BABAM2: variants seen among roughly 807,000 people sequenced by gnomAD.
The protein encoded by BABAM2 is BRISC and BRCA1-A complex member 2.
BABAM2 carries 31 observed loss-of-function variants against 54.7 expected under a neutral mutation model. The ratio of observed to expected loss-of-function variants is 0.57; its 90% CI spans 0.43 to 0.77. The LOEUF is 0.77. Among genes scored for constraint, BABAM2 ranks in the 30% least tolerant of loss-of-function variants. The pLI, the probability that BABAM2 is intolerant of heterozygous loss-of-function variation, is 0.00. For synonymous variants in BABAM2, 167 were observed against 162.9 expected (o/e 1.03, Z -0.19); for missense variants, 364 against 455.8 (o/e 0.80, Z 1.83).
chr2:27,907,966 A>G (rs1348320934), intron 2 of BABAM2, among the ~76,000 whole-genome samples: 1 of 152,214 alleles, frequency 6.6e-6, no homozygotes, highest in Non-Finnish European at 1.5e-5. Context: ...ACTGTGAATA[A>G]TGCTATTAAT....
At chr2:28,026,861 TAG>T (rs56852933) in intron 5 of BABAM2, among the ~76,000 whole-genome samples, 9 of 74,492 alleles carry the variant, frequency 1.2e-4, no homozygotes, top group East Asian at 6.6e-4. Context: ...TTTATATATA[TAG>T]ATATATATAT....
At chr2:28,022,700 TAGA>T (rs1263494527) in intron 4 of BABAM2, among the ~76,000 whole-genome samples, 2 of 152,342 alleles carry the variant, frequency 1.3e-5, no homozygotes, top group East Asian at 3.9e-4. Flanking sequence ...CAAAAAGATG[TAGA>T]AGAAGAACTT....
At chr2:28,025,731 G>A (rs1675606491) in intron 5 of BABAM2, among the ~76,000 whole-genome samples, 1 of 152,186 alleles carries the variant, frequency 6.6e-6, no homozygotes, top group African/African-American at 2.4e-5. Flanking sequence ...TATGTGGCTT[G>A]CAGGCCACAT....
chr2:28,033,677 T>C (rs778864715), intron 5 of BABAM2, among the ~76,000 whole-genome samples: 25 of 152,164 alleles, frequency 1.6e-4, no homozygotes, highest in Non-Finnish European at 3.5e-4. Flanking sequence ...AGGACAGATA[T>C]TCAAACACAG....
At chr2:28,223,334 C>G (rs1573875954) in intron 7 of BABAM2, among the ~76,000 whole-genome samples, 1 of 152,216 alleles carries the variant, frequency 6.6e-6, no homozygotes, top group African/African-American at 2.4e-5. Flanking sequence ...GACAGTGCCC[C>G]CATCCAGTGT....
intron 6 of BABAM2, among the ~76,000 whole-genome samples, chr2:28,100,309 A>C (rs1370957638): frequency 6.6e-6 from 1 of 151,892 alleles, no homozygotes; most frequent in African/African-American, 2.4e-5. Flanking sequence ...AAACATAAAA[A>C]ATTAACCGGG....
At chr2:28,105,735 G>A (rs139394389) in intron 6 of BABAM2, among the ~76,000 whole-genome samples, 3,048 of 152,210 alleles carry the variant, frequency 0.02, 36 homozygotes, top group African/African-American at 0.033. Flanking sequence ...TGACTACTTT[G>A]GGCCTCAAAT....
At position 27,939,193 on chromosome 2, in the gene BABAM2, C is replaced by T. The variant is rs982749916; in HGVS notation, c.205+9285C>T. Among the ~76,000 whole-genome samples, 23 of 152,114 alleles carry T rather than the reference C, an allele frequency of 1.5e-4. 1 individual carries two copies. The highest frequency in any genetic ancestry group is 1.2e-3 in the South Asian group (6 of 4,822). Reference sequence around the variant, plus strand: ...GTCTCGATGTCTTGACCTAGTGATCCGCCCACCTCGGCCTCCCAAAGTGCT... The same window carrying T: ...GTCTCGATGTCTTGACCTAGTGATCTGCCCACCTCGGCCTCCCAAAGTGCT... On this transcript the variant is annotated intron_variant, in intron 3 of 11. Coordinates refer to ENST00000379624, the MANE Select transcript of BABAM2 (RefSeq NM_199191.3).
intron 4 of BABAM2, among the ~76,000 whole-genome samples, chr2:28,008,596 A>G (rs1674142774): frequency 6.6e-6 from 1 of 152,204 alleles, no homozygotes; most frequent in Non-Finnish European, 1.5e-5. Flanking sequence ...TAATTCCTTA[A>G]TCTTAATGAA....
At chr2:28,103,926 A>G (rs1261559899) in intron 6 of BABAM2, among the ~76,000 whole-genome samples, 1 of 152,158 alleles carries the variant, frequency 6.6e-6, no homozygotes, top group Non-Finnish European at 1.5e-5. Context: ...TACTCCTCCT[A>G]TGTCATTTTT....
Position 27,988,047 on chromosome 2 carries a change from G to A in BABAM2, c.260G>A (p.Gly87Glu). ...GAACTGCCTCCCGATTTTATCTTTG[G>A]AGAAGATGCTGAATTCCTGCCAGAC... is the stretch of plus-strand genomic sequence containing the variant. ...YPELPPDFIF[G>E]EDAEFLPDPS... The change falls in exon 4 of 12, where the codon GGA becomes GAA. Residue 87 changes from glycine (G) to glutamate (E), a missense_variant. By Grantham distance (98) the Gly-to-Glu change is moderately conservative. Transcript: ENST00000379624. The A allele has an allele frequency of 6.2e-7, 1 of 1,613,648 alleles. No individual in the cohort carries two copies. The highest frequency in any genetic ancestry group is 1.1e-5 in the South Asian group (1 of 91,076).
At chr2:28,115,495 G>A (rs1026944569) in intron 6 of BABAM2, among the ~76,000 whole-genome samples, 1 of 151,884 alleles carries the variant, frequency 6.6e-6, no homozygotes, top group Non-Finnish European at 1.5e-5. Context: ...GCGTGGTGGC[G>A]GGCGCCTGTA....
intron 7 of BABAM2, among the ~76,000 whole-genome samples, chr2:28,175,763 C>T (rs1445221936): frequency 7.2e-5 from 11 of 152,206 alleles, no homozygotes; most frequent in East Asian, 3.8e-4. Flanking sequence ...GAGCAAGCCA[C>T]GTGGAAACCC....
rs113368108 is a variant in BABAM2, at chr2:28,290,633, T to C, written c.935-7705T>C. 5.2e-3 allele frequency among the ~76,000 whole-genome samples: 793 copies of C among 152,334 alleles called. 7 individuals are homozygous for C. The highest frequency in any genetic ancestry group is 0.018 in the African/African-American group (761 of 41,568). On this transcript the variant is annotated intron_variant, in intron 10 of 11. Coordinates refer to ENST00000379624, the MANE Select transcript of BABAM2 (RefSeq NM_199191.3). ...AATAACTAATTCACAGCCCCTGCGCTTAAGGACTTCATGGTTCTCTGCAGT... is the reference window on the plus strand; with the variant it reads ...AATAACTAATTCACAGCCCCTGCGCCTAAGGACTTCATGGTTCTCTGCAGT...
intron 11 of BABAM2, among the ~76,000 whole-genome samples, chr2:28,334,214 G>A (rs1691210674): frequency 6.6e-6 from 1 of 152,240 alleles, no homozygotes; most frequent in Non-Finnish European, 1.5e-5. Flanking sequence ...CCTTTAAAAC[G>A]TGCTCCCTTC....
At chr2:27,975,360 G>A (rs1273274221) in intron 3 of BABAM2, among the ~76,000 whole-genome samples, 1 of 152,012 alleles carries the variant, frequency 6.6e-6, no homozygotes, top group African/African-American at 2.4e-5. Flanking sequence ...TATTATCAAG[G>A]CAGTGTGATA....
intron 6 of BABAM2, among the ~76,000 whole-genome samples, chr2:28,058,686 C>G (rs764732326): frequency 7.9e-5 from 12 of 151,918 alleles, no homozygotes; most frequent in Non-Finnish European, 1.5e-4. Context: ...CCGGTGCTAC[C>G]CAAAGTGCAT....
intron 4 of BABAM2, among the ~76,000 whole-genome samples, chr2:28,007,749 G>C (rs1374938084): frequency 6.6e-6 from 1 of 151,926 alleles, no homozygotes; most frequent in Admixed American, 6.6e-5. Flanking sequence ...GATAGCCTTT[G>C]GAAAGAAATT....
chr2:28,275,600 T>C (rs2130289), intron 10 of BABAM2, among the ~76,000 whole-genome samples: 151,777 of 152,272 alleles, frequency 1, 75,643 homozygotes, highest in Middle Eastern at 1. Flanking sequence ...GAATTCAGGG[T>C]GTGGTGAGTG....
Sources: gnomAD v4.1 joint callset for allele counts (sites outside exome capture counted in the v4.1 genomes callset) on GRCh38, gnomAD v4.1.1 for gene constraint, MANE v1.5 for transcripts, NCBI Gene and HGNC (gene_info 2026-07-23, HGNC 2026-07-21) for gene names.